PPFIBP2: variants seen among roughly 807,000 people sequenced by gnomAD.
PPFIBP2 encodes liprin-beta-2.
Under a neutral mutation model 118.3 loss-of-function variants are expected in PPFIBP2, and 118 were observed. The ratio of observed to expected loss-of-function variants is 1.00; its 90% confidence interval spans 0.86 to 1.16. The LOEUF (loss-of-function observed/expected upper bound fraction) is 1.16, where lower values mean the gene tolerates loss of function less well. PPFIBP2 is among the 50% of genes most tolerant of loss of function. The probability of loss-of-function intolerance (pLI) is 0.00; values close to 1 mark genes in which losing one functional copy is unlikely to be tolerated. For synonymous variants in PPFIBP2, 414 were observed against 397.4 expected (o/e 1.04, Z -0.50); for missense variants, 1,195 against 1,073.1 (o/e 1.11, Z -1.59).
At chr11:7,658,378 T>A (rs955524295), downstream of PPFIBP2, among the ~76,000 whole-genome samples, 1 of 112,292 alleles carries the variant, frequency 8.9e-6, no homozygotes, top group Non-Finnish European at 1.7e-5. Flanking sequence ...TTCCCACCTA[T>A]GAGTGAGAAT....
At chr11:7,525,505 GAC>G (rs1850146989) in intron 1 of PPFIBP2, among the ~76,000 whole-genome samples, 1 of 152,176 alleles carries the variant, frequency 6.6e-6, no homozygotes, top group Non-Finnish European at 1.5e-5. Context: ...TTCCAGGTAT[GAC>G]ACAGAAAGGG....
chr11:7,600,963 A>G (rs2135379078), intron 5 of PPFIBP2, among the ~76,000 whole-genome samples: 1 of 152,312 alleles, frequency 6.6e-6, no homozygotes, highest in Non-Finnish European at 1.5e-5. Flanking sequence ...TCCAATCTGC[A>G]ACCTCTGCTC....
chr11:7,560,187 G>T (rs1241013476), intron 2 of PPFIBP2, among the ~76,000 whole-genome samples: 2 of 152,108 alleles, frequency 1.3e-5, no homozygotes, highest in Non-Finnish European at 2.9e-5. Flanking sequence ...AACCTGTCTG[G>T]GTTTACTCAC....
chr11:7,578,102 C>T (rs1313494636), intron 3 of PPFIBP2, among the ~76,000 whole-genome samples: 1 of 152,210 alleles, frequency 6.6e-6, no homozygotes, highest in Non-Finnish European at 1.5e-5. Flanking sequence ...TCTGCATTTC[C>T]GGAGGAAAGC....
intron 10 of PPFIBP2, among the ~76,000 whole-genome samples, chr11:7,630,693 G>A (rs1850635653): frequency 6.6e-6 from 1 of 150,400 alleles, no homozygotes; most frequent in African/African-American, 2.5e-5. Context: ...GAGGTTTGGA[G>A]GCAGGGGTAC....
At chr11:7,574,897 A>C (rs555144149) in intron 3 of PPFIBP2, among the ~76,000 whole-genome samples, 1 of 152,348 alleles carries the variant, frequency 6.6e-6, no homozygotes, top group South Asian at 2.1e-4. Context: ...AACAAGGCTG[A>C]GATAAGACTT....
chr11:7,664,325 T>C, the PPFIBP2 span, among the ~76,000 whole-genome samples: 2 of 152,286 alleles, frequency 1.3e-5, no homozygotes, highest in African/African-American at 4.8e-5. Flanking sequence ...AACAGCCCAG[T>C]ACAACCTAGG....
intron 2 of PPFIBP2, among the ~76,000 whole-genome samples, chr11:7,559,047 G>C (rs1033135887): frequency 6.6e-6 from 1 of 152,116 alleles, no homozygotes; most frequent in Non-Finnish European, 1.5e-5. Context: ...GAGGGCCCAG[G>C]CATCTGGAGT....
intron 2 of PPFIBP2, among the ~76,000 whole-genome samples, chr11:7,564,863 C>G (rs1854771066): frequency 6.6e-6 from 1 of 152,184 alleles, no homozygotes; most frequent in African/African-American, 2.4e-5. Context: ...AGGCCCAGAG[C>G]TGGTACAGAG....
At position 7,541,037 on chromosome 11, in the gene PPFIBP2, C is replaced by A. The variant is rs139416380; in HGVS notation, c.-36-8403C>A. ...TAGGTTGAGTCCATATGATGATAGA[C>A]CATGATTTCTACTGTGTGGCTGGTG... is the stretch of plus-strand genomic sequence containing the variant. On this transcript the variant is annotated intron_variant, in intron 1 of 23. Coordinates refer to ENST00000299492, the MANE Select transcript of PPFIBP2 (RefSeq NM_003621.5). Among the ~76,000 whole-genome samples the A allele has an allele frequency of 5.1e-3, 781 of 152,320 alleles. 6 individuals carry two copies. Among genetic ancestry groups the A allele is most frequent in the African/African-American group, 0.018 (743 of 41,578 alleles).
intron 2 of PPFIBP2, among the ~76,000 whole-genome samples, chr11:7,549,911 C>T (rs76633638): frequency 7.3e-4 from 111 of 152,266 alleles, no homozygotes; most frequent in African/African-American, 2.6e-3. Flanking sequence ...CAGACTTTGC[C>T]ACCTAATGCA....
At chr11:7,604,228 G>A (rs974527765) in intron 5 of PPFIBP2, among the ~76,000 whole-genome samples, 33 of 152,180 alleles carry the variant, frequency 2.2e-4, no homozygotes, top group African/African-American at 7.2e-4. Context: ...GGAAAACCGA[G>A]AGCAAGGAAG....
intron 2 of PPFIBP2, among the ~76,000 whole-genome samples, chr11:7,557,427 G>T (rs10839806): frequency 0.54 from 80,530 of 150,396 alleles, 23,974 homozygotes; most frequent in African/African-American, 0.82. Context: ...TAAGCACTAA[G>T]TAAAAGGCTT....
At chr11:7,524,949 T>C (rs990627153) in intron 1 of PPFIBP2, among the ~76,000 whole-genome samples, 2 of 152,232 alleles carry the variant, frequency 1.3e-5, no homozygotes, top group Non-Finnish European at 2.9e-5. Context: ...ATCTGGTTCT[T>C]GGATGCATGT....
At chr11:7,565,076 G>A (rs984918908) in intron 2 of PPFIBP2, among the ~76,000 whole-genome samples, 1 of 152,180 alleles carries the variant, frequency 6.6e-6, no homozygotes, top group African/African-American at 2.4e-5. Flanking sequence ...GTAGTTTATG[G>A]TCCCTAGTGA....
At chr11:7,618,747 A>G (rs1353908189) in intron 6 of PPFIBP2, among the ~76,000 whole-genome samples, 2 of 151,838 alleles carry the variant, frequency 1.3e-5, no homozygotes, top group Admixed American at 1.3e-4. Flanking sequence ...ACGCCCGGCT[A>G]ACTTTTGTAT....
At chr11:7,524,598 C>T (rs987427648) in intron 1 of PPFIBP2, among the ~76,000 whole-genome samples, 7 of 152,100 alleles carry the variant, frequency 4.6e-5, no homozygotes, top group East Asian at 1.9e-4. Context: ...ATTTATTGTC[C>T]GAACTGAACA....
Position 7,653,477 on chromosome 11 carries a change from A to G in PPFIBP2, c.*259A>G, listed in dbSNP as rs568010196. 47 of 1,459,960 alleles carry G rather than the reference A, an allele frequency of 3.2e-5. 2 individuals carry two copies. The South Asian group carries it at 5.2e-4, about 16-fold the overall frequency. 90.4% of individuals were successfully genotyped at this position (1,459,960 alleles called of 1,614,324 possible). ...CACTTAAAGACACTTTTACATGTCT[A>G]GTAATTCTTGATGTTCATCTTCAGC... is the stretch of plus-strand genomic sequence containing the variant. On this transcript the variant is annotated 3_prime_UTR_variant, in exon 24 of 24. Transcript: ENST00000299492.
intron 3 of PPFIBP2, among the ~76,000 whole-genome samples, chr11:7,568,074 TCTC>T (rs944342887): frequency 6.6e-6 from 1 of 152,132 alleles, no homozygotes; most frequent in African/African-American, 2.4e-5. Flanking sequence ...TTTGCTCCCT[TCTC>T]CTCTGTAGAC....
Sources: allele counts gnomAD v4.1 joint callset (sites outside exome capture counted in the v4.1 genomes callset), GRCh38; gene constraint gnomAD v4.1.1; transcripts MANE v1.5; gene names NCBI Gene and HGNC (gene_info 2026-07-23, HGNC 2026-07-21).